CSMD1: variants seen among roughly 807,000 people sequenced by gnomAD.
The protein encoded by CSMD1 is CUB and Sushi multiple domains 1.
In CSMD1, 213 loss-of-function variants were observed where a neutral mutation model predicts 417.5. The ratio of observed to expected loss-of-function variants is 0.51; its 90% CI spans 0.46 to 0.57. The LOEUF is 0.57. Among genes scored for constraint, CSMD1 ranks in the 20% least tolerant of loss-of-function variants. CSMD1 has a pLI of 0.00. For synonymous variants in CSMD1, 2,862 were observed against 1,736.8 expected, an observed-to-expected ratio of 1.65 and a Z score of -16.11; for missense variants, 6,923 against 4,529.7, an observed-to-expected ratio of 1.53 and a Z score of -15.17.
intron 1 of CSMD1, among the ~76,000 whole-genome samples, chr8:4,804,493 T>G (rs1347297959): frequency 2.0e-5 from 3 of 151,084 alleles, no homozygotes; most frequent in African/African-American, 7.3e-5. Flanking sequence ...GATTCCTGAC[T>G]GACTTTATAT....
chr8:3,912,606 G>A (rs1808536288), intron 5 of CSMD1, among the ~76,000 whole-genome samples: 1 of 152,166 alleles, frequency 6.6e-6, no homozygotes, highest in Non-Finnish European at 1.5e-5. Flanking sequence ...AGAGAGAGAA[G>A]GAGCTAAGGT....
chr8:3,560,030 G>A (rs1037577619), intron 10 of CSMD1, among the ~76,000 whole-genome samples: 7 of 152,108 alleles, frequency 4.6e-5, no homozygotes, highest in African/African-American at 7.2e-5. Context: ...TTAGTGTGGA[G>A]GGAATTTGGT....
At chr8:3,514,455 C>G (rs533530859) in intron 10 of CSMD1, among the ~76,000 whole-genome samples, 1 of 152,176 alleles carries the variant, frequency 6.6e-6, no homozygotes, top group Admixed American at 6.5e-5. Flanking sequence ...GCTCACGGGT[C>G]ATCCCCACTG....
intron 2 of CSMD1, among the ~76,000 whole-genome samples, chr8:4,427,061 G>A (rs1163495877): frequency 6.6e-6 from 1 of 152,012 alleles, no homozygotes; most frequent in Non-Finnish European, 1.5e-5. Context: ...GCCCCAGAGA[G>A]CTTGGGAGAT....
chr8:3,998,052 G>A lies in CSMD1; in HGVS notation c.669C>T (p.His223=), dbSNP rs369180315. The A allele has an allele frequency of 9.4e-6, 15 of 1,598,472 alleles. No homozygotes were observed. Among genetic ancestry groups the A allele is most frequent in the African/African-American group, 6.7e-5 (5 of 74,674 alleles). The change falls in exon 5 of 70, where the codon CAC becomes CAT. Residue 223 remains histidine (H), a synonymous_variant. Transcript: ENST00000635120. ...RGTSSSISSP[H]FPSEYENNAD... ...CGTTGTTCTCGTACTCTGAAGGGAA[G>A]TGCGGGCTGGAGATGGAGCTGCTGG... is the stretch of plus-strand genomic sequence containing the variant.
chr8:3,849,396 G>A (rs1316948233), intron 5 of CSMD1, among the ~76,000 whole-genome samples: 5 of 152,142 alleles, frequency 3.3e-5, no homozygotes, highest in African/African-American at 7.2e-5. Context: ...CGCCAAGGAA[G>A]GACGGACGAA....
At chr8:4,508,147 G>A (rs918942629) in intron 2 of CSMD1, among the ~76,000 whole-genome samples, 2 of 104,850 alleles carry the variant, frequency 1.9e-5, no homozygotes, top group African/African-American at 7.5e-5. Context: ...TAGGAGGCAG[G>A]GGAAGAGGTA....
intron 2 of CSMD1, among the ~76,000 whole-genome samples, chr8:4,463,379 T>C (rs117291967): frequency 6.6e-6 from 1 of 152,188 alleles, no homozygotes; most frequent in Non-Finnish European, 1.5e-5. Flanking sequence ...CTCCGGAAGT[T>C]CGACATAACA....
intron 1 of CSMD1, among the ~76,000 whole-genome samples, chr8:4,740,344 C>T (rs1275768660): frequency 2.0e-5 from 3 of 152,042 alleles, no homozygotes; most frequent in Non-Finnish European, 4.4e-5. Context: ...CAGAAAAAGC[C>T]ATTTAAATCC....
chr8:3,713,864 C>T (rs1424064406), intron 6 of CSMD1, among the ~76,000 whole-genome samples: 2 of 152,106 alleles, frequency 1.3e-5, no homozygotes, highest in Non-Finnish European at 2.9e-5. Flanking sequence ...AATCTTGTGT[C>T]TTCAACTTTT....
At position 3,437,371 on chromosome 8, in the gene CSMD1, A is replaced by C. The variant is rs181551234; in HGVS notation, c.1562-27766T>G. Among the ~76,000 whole-genome samples the C allele has an allele frequency of 5.6e-4, 86 of 152,328 alleles. 1 individual carries two copies. The East Asian group carries it at 0.015, about 27-fold the overall frequency. ...TATCTATGAGGTATAGTTTGCATTC[A>C]TATAAAACCCTCTTTGGCAATTCAT... On this transcript the variant is annotated intron_variant, in intron 12 of 69. Coordinates refer to ENST00000635120, the MANE Select transcript of CSMD1 (RefSeq NM_033225.6).
chr8:4,505,825 G>C (rs990731094), intron 2 of CSMD1, among the ~76,000 whole-genome samples: 1 of 150,808 alleles, frequency 6.6e-6, no homozygotes, highest in Non-Finnish European at 1.5e-5. Context: ...TTTTTAGATA[G>C]AGTCTCACTC....
intron 5 of CSMD1, among the ~76,000 whole-genome samples, chr8:3,956,943 A>G (rs1811987973): frequency 6.6e-6 from 1 of 152,138 alleles, no homozygotes; most frequent in Non-Finnish European, 1.5e-5. Context: ...TAAAAAGAAT[A>G]TTACTTTTTC....
intron 3 of CSMD1, among the ~76,000 whole-genome samples, chr8:4,115,517 C>T (rs979067475): frequency 2.1e-4 from 32 of 152,000 alleles, no homozygotes; most frequent in African/African-American, 7.0e-4. Context: ...CTTGAAAAAA[C>T]GTAGGATTCT....
At chr8:3,046,385 C>T (rs1811446716) in intron 50 of CSMD1, among the ~76,000 whole-genome samples, 1 of 152,196 alleles carries the variant, frequency 6.6e-6, no homozygotes, top group South Asian at 2.1e-4. Context: ...TTCCACCCTA[C>T]AGTGTGTAGC....
At chr8:3,943,172 A>T (rs952893952) in intron 5 of CSMD1, among the ~76,000 whole-genome samples, 1 of 152,066 alleles carries the variant, frequency 6.6e-6, no homozygotes, top group African/African-American at 2.4e-5. Context: ...TATAAAAATG[A>T]CTCAATTGAG....
intron 5 of CSMD1, among the ~76,000 whole-genome samples, chr8:3,968,513 C>T (rs1812847393): frequency 6.6e-6 from 1 of 151,332 alleles, no homozygotes; most frequent in South Asian, 2.1e-4. Context: ...CTTAATAAAG[C>T]AACATACTGC....
chr8:4,939,381 A>C (rs1040503211), intron 1 of CSMD1, among the ~76,000 whole-genome samples: 3 of 152,214 alleles, frequency 2.0e-5, no homozygotes, highest in Non-Finnish European at 4.4e-5. Context: ...TTAATAGCCA[A>C]GCTATGGAAA....
intron 3 of CSMD1, among the ~76,000 whole-genome samples, chr8:4,317,552 T>C (rs1301288505): frequency 6.6e-6 from 1 of 152,166 alleles, no homozygotes; most frequent in African/African-American, 2.4e-5. Context: ...CAGAGATAGA[T>C]TTAAAGTGTC....
Sources: allele counts gnomAD v4.1 joint callset (sites outside exome capture counted in the v4.1 genomes callset), GRCh38; gene constraint gnomAD v4.1.1; transcripts MANE v1.5; gene names NCBI Gene and HGNC (gene_info 2026-07-23, HGNC 2026-07-21).